The following CACNA1I variants were observed in gnomAD, a reference collection of about 807,000 sequenced individuals.
CACNA1I encodes calcium voltage-gated channel subunit alpha1 I, also known as voltage-dependent T-type calcium channel subunit alpha-1I.
In CACNA1I, 74 loss-of-function variants were observed where a neutral mutation model predicts 201.6. The ratio of observed to expected loss-of-function variants is 0.37; its 90% confidence interval spans 0.30 to 0.45. CACNA1I has a LOEUF of 0.45. CACNA1I is among the 20% of genes least tolerant of loss of function. The pLI, the probability that CACNA1I is intolerant of heterozygous loss-of-function variation, is 1.00. For missense variants in CACNA1I, 2,346 were observed against 3,138.1 expected (o/e 0.75, Z 6.03); for synonymous variants, 1,431 against 1,345.2 (o/e 1.06, Z -1.40).
At chr22:39,603,411 T>C (rs1463300139) in intron 3 of CACNA1I, among the ~76,000 whole-genome samples, 1 of 152,234 alleles carries the variant, frequency 6.6e-6, no homozygotes. Flanking sequence ...TTACTGCCCC[T>C]ATGGAATAAT....
chr22:39,682,512 C>T lies in CACNA1I; in HGVS notation c.5681C>T (p.Pro1894Leu). Residue 1894 changes from proline to leucine, a missense_variant, in exon 35 of 37, where the codon CCT (proline) becomes CTT (leucine). Physicochemically the swap from Pro to Leu is moderately conservative, Grantham distance 98 (BLOSUM62 -3). Coordinates refer to ENST00000402142, the MANE Select transcript of CACNA1I (RefSeq NM_021096.4). The part of the protein sequence containing the change: ...RKDSKGELDP[P>L]EPMRVGDLGE... ...TCCTTGCAGGGTGAGCTGGACCCAC[C>T]TGAGCCCATGCGTGTGGGAGACCTG... is the stretch of plus-strand genomic sequence containing the variant. The T allele has an allele frequency of 1.2e-6, 2 of 1,613,666 alleles. No individual in the cohort carries two copies. The highest frequency in any genetic ancestry group is 1.7e-6 in the Non-Finnish European group (2 of 1,179,778).
intron 34 of CACNA1I, among the ~76,000 whole-genome samples, 164 bp downstream of exon 34, chr22:39,681,216 G>C (rs1935694977): frequency 1.3e-5 from 2 of 152,246 alleles, no homozygotes; most frequent in Non-Finnish European, 2.9e-5. Flanking sequence ...AGGGCTCAGA[G>C]AGGTGGAGTG....
In CACNA1I at chr22:39,686,119, G is replaced by A. The variant is rs2146489481; in HGVS notation, c.6386G>A (p.Ser2129Asn). The A allele has an allele frequency of 8.1e-7, 1 of 1,232,124 alleles. No individual in the cohort carries two copies. Among genetic ancestry groups the A allele is most frequent in the Non-Finnish European group, 1.0e-6 (1 of 989,310 alleles). 76.3% of individuals were successfully genotyped at this position (1,232,124 alleles called of 1,614,324 possible). The part of the protein sequence containing the change: ...AGSEHSETLS[S>N]LSLTSLFCPP... ...AGCGAGCACTCGGAGACCCTCAGCA[G>A]CCTCTCGCTCACCTCCCTCTTCTGC... The change falls in exon 37 of 37, where the codon AGC becomes AAC. Residue 2129 changes from serine (S) to asparagine (N), a missense_variant. Around this residue, in one of 13 missense-constraint regions of CACNA1I, gnomAD observed 187 missense variants for 151.0 expected, o/e 1.24. Coordinates refer to ENST00000402142, the MANE Select transcript of CACNA1I (RefSeq NM_021096.4).
Position 39,685,714 on chromosome 22 carries a change from G to C in CACNA1I, c.6028-47G>C. On this transcript the variant is annotated intron_variant, in intron 36 of 36. Coordinates refer to ENST00000402142, the MANE Select transcript of CACNA1I (RefSeq NM_021096.4). The surrounding 1 kb of genome is among the most constrained non-coding windows in gnomAD (Gnocchi z 5.0). ...GGGAGGGCGGCGTCCAGGTTGCTGG[G>C]GTGGGGGCCGACACAGGCGGCCTCC... 1 of 1,399,876 alleles carries C rather than the reference G, an allele frequency of 7.1e-7. No individual in the cohort carries two copies. Among genetic ancestry groups the C allele is most frequent in the East Asian group, 3.0e-5 (1 of 33,002 alleles). 86.7% of individuals were successfully genotyped at this position (1,399,876 alleles called of 1,614,324 possible). A position where few individuals can be genotyped will look rare whatever the true frequency, so the allele number is the denominator to read the frequency against.
chr22:39,618,087 G>A lies in CACNA1I; in HGVS notation c.483-1223G>A, dbSNP rs1207151418. 4.6e-5 allele frequency among the ~76,000 whole-genome samples: 7 copies of A among 151,658 alleles called. No individual in the cohort carries two copies. The East Asian group carries it at 1.4e-3, about 29-fold the overall frequency. On this transcript the variant is annotated intron_variant, in intron 3 of 36. Coordinates refer to ENST00000402142, the MANE Select transcript of CACNA1I (RefSeq NM_021096.4). Reference sequence around the variant, plus strand: ...TATGCGGGTGTGTGGTTGTTTGCATGTGTGTGACTCTGTGTGCAGGTGTGT... The same window carrying A: ...TATGCGGGTGTGTGGTTGTTTGCATATGTGTGACTCTGTGTGCAGGTGTGT...
At position 39,659,648 on chromosome 22, in the gene CACNA1I, C is replaced by G. The variant is rs758065366; in HGVS notation, c.2449-49C>G. 10 of 1,610,122 alleles carry G rather than the reference C, an allele frequency of 6.2e-6. No homozygotes were observed. Among genetic ancestry groups the G allele is most frequent in the Non-Finnish European group, 8.5e-6 (10 of 1,176,766 alleles). ...CAACTCCCATGCCTCCTTGTAGAGC[C>G]TAGCCCTGGACTAGGGGTACCCCAG... On this transcript the variant is annotated intron_variant, in intron 13 of 36. Transcript: ENST00000402142. This position sits in a 1 kb window ranked among gnomAD's most constrained non-coding sequence, Gnocchi z 4.3.
At position 39,678,010 on chromosome 22, in the gene CACNA1I, G is replaced by A. The variant is rs1482010114; in HGVS notation, c.4957G>A (p.Glu1653Lys). The change falls in exon 31 of 37, where the codon GAG becomes AAG. Residue 1653 changes from glutamate to lysine, a missense_variant. Physicochemically the swap from Glu to Lys is moderately conservative, Grantham distance 56. Transcript: ENST00000402142. ...KLVCNDENPC[E>K]GMSRHATFEN... ...AGTCTGCAACGACGAGAACCCGTGC[G>A]AGGGCATGAGCCGGCATGCCACCTT... is the stretch of plus-strand genomic sequence containing the variant. The A allele has an allele frequency of 1.3e-6, 2 of 1,598,508 alleles. No individual in the cohort carries two copies. The highest frequency in any genetic ancestry group is 2.3e-5 in the East Asian group (1 of 44,076).
In CACNA1I at chr22:39,598,153, G is replaced by T; in HGVS notation, c.239G>T (p.Trp80Leu). 1 of 1,591,244 alleles carries T rather than the reference G, an allele frequency of 6.3e-7. No individual in the cohort carries two copies. The highest frequency in any genetic ancestry group is 8.6e-7 in the Non-Finnish European group (1 of 1,166,770). The part of the protein sequence containing the change: ...NWCIKMVCNP[W>L]FECVSMLVIL... ...TTTGTCCTTGACTTGGTGTGCACGT[G>T]GTTTGAATGTGTCAGCATGCTGGTG... Residue 80 changes from tryptophan (W) to leucine (L), a missense_variant and splice_region_variant, in exon 2 of 37, where the codon TGG (tryptophan) becomes TTG (leucine). Trp to Leu is a moderately conservative substitution (Grantham distance 61). This residue lies in a region of CACNA1I where 130 missense variants were observed against 160.7 expected (regional missense o/e 0.81). Transcript: ENST00000402142.
At chr22:39,640,167 T>A (rs759035040) in intron 5 of CACNA1I, among the ~76,000 whole-genome samples, 2 of 152,100 alleles carry the variant, frequency 1.3e-5, no homozygotes, top group Non-Finnish European at 2.9e-5. Context: ...GGTGGGTGGA[T>A]CACCTGAGGT....
At chr22:39,655,552 T>C (rs557169776) in intron 10 of CACNA1I, among the ~76,000 whole-genome samples, 268 of 152,346 alleles carry the variant, frequency 1.8e-3, no homozygotes, top group Non-Finnish European at 3.2e-3. Context: ...ATGGTTCCCA[T>C]GGTGTCACTG....
At chr22:39,611,883 C>T (rs1166803820) in intron 3 of CACNA1I, among the ~76,000 whole-genome samples, 1 of 152,138 alleles carries the variant, frequency 6.6e-6, no homozygotes, top group Admixed American at 6.5e-5. Flanking sequence ...TCCCCCAAAT[C>T]CCCCCTGTAC....
chr22:39,649,519 G>GC lies in CACNA1I; in HGVS notation c.1591dup (p.Leu531ProfsTer29). 6.4e-7 allele frequency: 1 copy of GC among 1,562,836 alleles called. No homozygotes were observed. Among genetic ancestry groups the GC allele is most frequent in the Non-Finnish European group, 8.7e-7 (1 of 1,153,792 alleles). ...TTTTCAGAGCTGTGCCCGCAACATA[G>GC]CCCCCTGGATGCGACGCCCCACACC... is the stretch of plus-strand genomic sequence containing the variant. On this transcript the variant is annotated frameshift_variant, in exon 10 of 37. Coordinates refer to ENST00000402142, the MANE Select transcript of CACNA1I (RefSeq NM_021096.4). LOFTEE classifies it high-confidence loss of function. The surrounding 1 kb of genome is among the most constrained non-coding windows in gnomAD (Gnocchi z 7.3).
intron 31 of CACNA1I, 124 bp downstream of exon 31, chr22:39,678,232 A>G (rs1235271492): frequency 5.1e-6 from 6 of 1,177,598 alleles, no homozygotes; most frequent in Non-Finnish European, 7.1e-6. Flanking sequence ...CATGCAGGGC[A>G]CGGAGGAGTG....
chr22:39,603,397 C>T (rs908707333), intron 3 of CACNA1I, among the ~76,000 whole-genome samples: 2 of 152,182 alleles, frequency 1.3e-5, no homozygotes, highest in African/African-American at 4.8e-5. Flanking sequence ...GTCCTTTCCC[C>T]TATTTACTGC....
Position 39,686,407 on chromosome 22 carries a change from G to A in CACNA1I, c.*2G>A. 2.4e-6 allele frequency: 3 copies of A among 1,243,702 alleles called. No homozygotes were observed. The highest frequency in any genetic ancestry group is 3.0e-6 in the Non-Finnish European group (3 of 990,392). 77.0% of individuals were successfully genotyped at this position (1,243,702 alleles called of 1,614,324 possible). On this transcript the variant is annotated 3_prime_UTR_variant, in exon 37 of 37. Coordinates refer to ENST00000402142, the MANE Select transcript of CACNA1I (RefSeq NM_021096.4). ...GCCGCCAGCAAGAGGAAGAGATGAG[G>A]GTCGCAGGGGCCCCCGGCCGCCCAC...
intron 1 of CACNA1I, among the ~76,000 whole-genome samples, chr22:39,583,134 C>CTCCATCCACCCA (rs1555900994): frequency 7.3e-6 from 1 of 136,230 alleles, no homozygotes; most frequent in Non-Finnish European, 1.6e-5. Flanking sequence ...GCATCCATCT[C>CTCCATCCACCCA]TCCATCCATC....
chr22:39,591,453 C>T (rs112285158), intron 1 of CACNA1I, among the ~76,000 whole-genome samples: 4,649 of 152,200 alleles, frequency 0.031, 235 homozygotes, highest in African/African-American at 0.1. Context: ...TGAGCCACGG[C>T]ACCCGGCCTG....
intron 5 of CACNA1I, among the ~76,000 whole-genome samples, chr22:39,635,250 C>A (rs1023783022): frequency 6.6e-6 from 1 of 152,158 alleles, no homozygotes; most frequent in Non-Finnish European, 1.5e-5. Flanking sequence ...AAGTGCCAGG[C>A]CCCAGGGAGT....
At chr22:39,626,460 T>G (rs994776606) in intron 4 of CACNA1I, among the ~76,000 whole-genome samples, 1 of 152,150 alleles carries the variant, frequency 6.6e-6, no homozygotes, top group African/African-American at 2.4e-5. Flanking sequence ...GCCTGGCAGA[T>G]AGATTGGCAT....
Sources: gnomAD v4.1 joint callset for allele counts (sites outside exome capture counted in the v4.1 genomes callset) on GRCh38, gnomAD v4.1.1 for gene constraint, gnomAD v4.1.1 regional missense constraint, Gnocchi (gnomAD v3.1) non-coding constraint, MANE v1.5 for transcripts, NCBI Gene and HGNC (gene_info 2026-07-23, HGNC 2026-07-21) for gene names.